Variants in RPA1 observed in about 807,000 individuals in gnomAD.
RPA1 encodes replication protein A 70 kDa DNA-binding subunit.
A neutral mutation model predicts 83.0 loss-of-function variants in RPA1; 49 were observed. The observed-to-expected ratio is 0.59, with a 90% CI of 0.47 to 0.75. The LOEUF (loss-of-function observed/expected upper bound fraction) is 0.75, where lower values mean the gene tolerates loss of function less well. RPA1 is among the 30% of genes least tolerant of loss of function. The probability of loss-of-function intolerance (pLI) is 0.00; values close to 1 mark genes in which losing one functional copy is unlikely to be tolerated. For missense variants in RPA1, 693 were observed against 776.1 expected (o/e 0.89, Z 1.27); for synonymous variants, 279 against 281.8 (o/e 0.99, Z 0.10).
rs1393009618 is a variant in RPA1 at position 1,879,061 on chromosome 17, G to T, written c.759G>T (p.Lys253Asn). Reference sequence around the variant, plus strand: ...TCTTTCCTCTTATTGAAGTGAACAAGGTATGGCCGTGCTGACTTTAGAACT... The same window carrying T: ...TCTTTCCTCTTATTGAAGTGAACAATGTATGGCCGTGCTGACTTTAGAACT... ...DKFFPLIEVN[K>N]VYYFSKGTLK... is the part of the protein sequence containing the mutation. Residue 253 changes from lysine (K) to asparagine (N), a missense_variant and splice_region_variant, in exon 9 of 17, where the codon AAG becomes AAT. Physicochemically the swap from Lys to Asn is moderately conservative, Grantham distance 94 (BLOSUM62 0). Coordinates refer to ENST00000254719, the MANE Select transcript of RPA1 (RefSeq NM_002945.5). The T allele has an allele frequency of 6.2e-7, 1 of 1,614,094 alleles. No homozygotes were observed. The highest frequency in any genetic ancestry group is 8.5e-7 in the Non-Finnish European group (1 of 1,180,042).
At chr17:1,886,942 G>A (rs2151290220) in intron 13 of RPA1, among the ~76,000 whole-genome samples, 1 of 152,122 alleles carries the variant, frequency 6.6e-6, no homozygotes, top group East Asian at 1.9e-4. Flanking sequence ...TTACAGGTGT[G>A]AGCCACTGCA....
At chr17:1,895,413 C>T (rs1035402374) in intron 16 of RPA1, among the ~76,000 whole-genome samples, 6 of 149,354 alleles carry the variant, frequency 4.0e-5, no homozygotes, top group East Asian at 2.0e-4. Flanking sequence ...AAAATTATAA[C>T]GCATGCAGTA....
chr17:1,846,693 T>C (rs1378728802), intron 4 of RPA1, among the ~76,000 whole-genome samples: 2 of 152,182 alleles, frequency 1.3e-5, no homozygotes, highest in African/African-American at 2.4e-5. Context: ...CAACGAAGTT[T>C]TTCTGTGTGT....
intron 8 of RPA1, among the ~76,000 whole-genome samples, chr17:1,878,137 A>C (rs954650604): frequency 1.3e-5 from 2 of 152,104 alleles, no homozygotes; most frequent in Admixed American, 6.6e-5. Context: ...AGGCTGAGGC[A>C]GGAGAATCAA....
At chr17:1,873,324 A>G (rs1913446907) in intron 6 of RPA1, among the ~76,000 whole-genome samples, 1 of 152,194 alleles carries the variant, frequency 6.6e-6, no homozygotes, top group Admixed American at 6.5e-5. Context: ...AGAGGCATTA[A>G]TGGAATCATT....
intron 5 of RPA1, among the ~76,000 whole-genome samples, chr17:1,869,402 G>A (rs948903528): frequency 6.6e-6 from 1 of 152,100 alleles, no homozygotes; most frequent in Non-Finnish European, 1.5e-5. Context: ...GCTGGGTGTG[G>A]TGGCCAGCGC....
rs1164649372 is a variant in RPA1 at position 1,842,820 on chromosome 17, G to A, written c.51G>A (p.Gly17=). The change falls in exon 2 of 17, where the codon GGG becomes GGA. Residue 17 remains glycine (G), a synonymous_variant. Transcript: ENST00000254719. ...EGAIAAIMQK[G]DTNIKPILQV... ...TCCCTCAGGCCATCATGCAGAAGGG[G>A]GATACAAACATAAAGCCCATCCTCC... 2.5e-6 allele frequency: 4 copies of A among 1,613,972 alleles called. No homozygotes were observed. The highest frequency in any genetic ancestry group is 1.3e-5 in the African/African-American group (1 of 74,900).
At chr17:1,844,273 C>T (rs982808137) in intron 3 of RPA1, among the ~76,000 whole-genome samples, 1 of 152,074 alleles carries the variant, frequency 6.6e-6, no homozygotes, top group Non-Finnish European at 1.5e-5. Context: ...CGACTGAGTG[C>T]GAGGGGTCAG....
chr17:1,865,975 C>T (rs954936887), intron 5 of RPA1, among the ~76,000 whole-genome samples: 1 of 151,986 alleles, frequency 6.6e-6, no homozygotes, highest in African/African-American at 2.4e-5. Flanking sequence ...GTGTGGTGGC[C>T]CCCGCCTGTA....
At chr17:1,855,157 A>C (rs989205134) in intron 5 of RPA1, among the ~76,000 whole-genome samples, 2 of 151,808 alleles carry the variant, frequency 1.3e-5, no homozygotes, top group African/African-American at 4.8e-5. Context: ...TAATATGGTG[A>C]GTTACATTGA....
intron 6 of RPA1, among the ~76,000 whole-genome samples, chr17:1,875,055 G>A (rs1913524121): frequency 6.6e-6 from 1 of 152,200 alleles, no homozygotes; most frequent in African/African-American, 2.4e-5. Flanking sequence ...GGATTAAGGA[G>A]GCGGAAGGGT....
In RPA1 at chr17:1,847,976, C is replaced by T. The variant is rs945929124; in HGVS notation, c.272+3290C>T. ...AGGCGGAGGTTGCAGTGAGCCGAGA[C>T]TCCAGCCTCGGTTACAGAGCAAGAC... On this transcript the variant is annotated intron_variant, in intron 4 of 16. Coordinates refer to ENST00000254719, the MANE Select transcript of RPA1 (RefSeq NM_002945.5). Among the ~76,000 whole-genome samples the T allele has an allele frequency of 2.6e-5, 4 of 151,456 alleles. No individual in the cohort carries two copies. In the East Asian group the frequency reaches 7.8e-4, roughly 30 times the overall value.
rs1914582373 is a variant in RPA1 at position 1,899,831 on chromosome 17, TTTC to T, written c.*2662_*2664del. On this transcript the variant is annotated 3_prime_UTR_variant, in exon 17 of 17. Coordinates refer to ENST00000254719, the MANE Select transcript of RPA1 (RefSeq NM_002945.5). ...GATGAAACAGGTTGTTTGGTCTCCT[TTTC>T]TTCTTTTCACCTGTTAGAAGGCCAC... 6.6e-6 allele frequency: 1 copy of T among 152,136 alleles called. No individual in the cohort carries two copies. The highest frequency in any genetic ancestry group is 2.1e-4 in the South Asian group (1 of 4,832). 9.4% of individuals were successfully genotyped at this position (152,136 alleles called of 1,614,324 possible).
At chr17:1,874,192 C>T (rs1913499204) in intron 6 of RPA1, among the ~76,000 whole-genome samples, 1 of 151,588 alleles carries the variant, frequency 6.6e-6, no homozygotes, top group Admixed American at 6.6e-5. Context: ...TCTATCTTTG[C>T]CTTATGTTAA....
In RPA1 at chr17:1,838,881, C is replaced by T. The variant is rs371852662; in HGVS notation, c.34-3922C>T. 1.1e-4 allele frequency among the ~76,000 whole-genome samples: 16 copies of T among 152,118 alleles called. No homozygotes were observed. In the East Asian group the frequency reaches 2.1e-3, roughly 20 times the overall value. Reference sequence around the variant, plus strand: ...ATTTTTTATTTTTGAGATGGAGCCTCGCTCTGTCACCCAGGCTGGAGTGCA... The same window carrying T: ...ATTTTTTATTTTTGAGATGGAGCCTTGCTCTGTCACCCAGGCTGGAGTGCA... On this transcript the variant is annotated intron_variant, in intron 1 of 16. Transcript: ENST00000254719.
At chr17:1,832,639 G>C (rs1054977791) in intron 1 of RPA1, among the ~76,000 whole-genome samples, 1 of 152,020 alleles carries the variant, frequency 6.6e-6, no homozygotes, top group Admixed American at 6.6e-5. Flanking sequence ...CACCTGCTTC[G>C]GCCTCCCAGA....
At chr17:1,864,974 A>T (rs1176307833) in intron 5 of RPA1, among the ~76,000 whole-genome samples, 1 of 152,216 alleles carries the variant, frequency 6.6e-6, no homozygotes, top group East Asian at 1.9e-4. Context: ...TGAGGTGGGA[A>T]GTAATTCTTG....
At chr17:1,843,326 C>T (rs986917876) in intron 2 of RPA1, among the ~76,000 whole-genome samples, 4 of 151,718 alleles carry the variant, frequency 2.6e-5, no homozygotes, top group East Asian at 1.9e-4. Flanking sequence ...TTCAGTCGGC[C>T]GGTCTGATGG....
At chr17:1,888,258 G>A (rs565934283) in intron 13 of RPA1, among the ~76,000 whole-genome samples, 2 of 152,324 alleles carry the variant, frequency 1.3e-5, no homozygotes, top group East Asian at 1.9e-4. Flanking sequence ...ATGGTTGATC[G>A]TTGCTGCACT....
Sources: gnomAD v4.1 joint callset for allele counts (sites outside exome capture counted in the v4.1 genomes callset) on GRCh38, gnomAD v4.1.1 for gene constraint, MANE v1.5 for transcripts, NCBI Gene and HGNC (gene_info 2026-07-23, HGNC 2026-07-21) for gene names.